The following C2orf69 variants were observed in gnomAD, a reference collection of about 807,000 sequenced individuals.
The protein encoded by C2orf69 is mitochondrial protein C2orf69.
C2orf69 carries 19 observed loss-of-function variants against 29.5 expected under a neutral mutation model. The ratio of observed to expected loss-of-function variants is 0.65; its 90% CI spans 0.45 to 0.95. The LOEUF is 0.95. Among genes scored for constraint, C2orf69 ranks in the 40% least tolerant of loss-of-function variants. The probability of loss-of-function intolerance (pLI) is 0.00; values close to 1 mark genes in which losing one functional copy is unlikely to be tolerated. For missense variants in C2orf69, 416 were observed against 482.1 expected (o/e 0.86, Z 1.28); for synonymous variants, 194 against 180.0 (o/e 1.08, Z -0.62).
Position 199,925,330 on chromosome 2 carries a change from G to C in C2orf69, c.602G>C (p.Ser201Thr). 1 of 1,613,140 alleles carries C rather than the reference G, an allele frequency of 6.2e-7. No individual in the cohort carries two copies. The highest frequency in any genetic ancestry group is 8.5e-7 in the Non-Finnish European group (1 of 1,179,542). The change falls in exon 2 of 2, where the codon AGT (serine) becomes ACT (threonine). Residue 201 changes from serine (S) to threonine (T), a missense_variant. Around this residue, in one of 4 missense-constraint regions of C2orf69, gnomAD observed 225 missense variants for 307.3 expected, o/e 0.73. Coordinates refer to ENST00000319974, the MANE Select transcript of C2orf69 (RefSeq NM_153689.6). The surrounding 1 kb of genome is among the most constrained non-coding windows in gnomAD (Gnocchi z 4.9). ...AATGCTTTTAATTTAAGTCAGAATA[G>C]TTTATCAAAGAAAAGTTTGAATGTT... ...LVNAFNLSQN[S>T]LSKKSLNVWN...
chr2:199,918,359 T>G (rs1471750521), intron 1 of C2orf69, among the ~76,000 whole-genome samples: 1 of 152,154 alleles, frequency 6.6e-6, no homozygotes, highest in Non-Finnish European at 1.5e-5. Flanking sequence ...TATTTTAATT[T>G]ATTTATTATC....
At chr2:199,921,131 T>C (rs13016447) in intron 1 of C2orf69, among the ~76,000 whole-genome samples, 122,866 of 148,150 alleles carry the variant, frequency 0.83, 51,006 homozygotes, top group South Asian at 0.91. Context: ...CTCAGCCTCC[T>C]GAGTAGCTGT....
At position 199,911,326 on chromosome 2, in the gene C2orf69, C is replaced by A; in HGVS notation, c.-113C>A. On this transcript the variant is annotated 5_prime_UTR_variant, in exon 1 of 2. Coordinates refer to ENST00000319974, the MANE Select transcript of C2orf69 (RefSeq NM_153689.6). Reference sequence around the variant, plus strand: ...TCGTCGCCTCAGCGCCGGCTCCCGGCCGGGCCGCGGCCGCCGACCGTTGAG... The same window carrying A: ...TCGTCGCCTCAGCGCCGGCTCCCGGACGGGCCGCGGCCGCCGACCGTTGAG... The A allele has an allele frequency of 7.8e-7, 1 of 1,281,684 alleles. No individual in the cohort carries two copies. The allele number at this position is 1,281,684 out of a possible 1,614,324, so 79.4% of individuals were successfully genotyped here. A position where few individuals can be genotyped will look rare whatever the true frequency, so the allele number is the denominator to read the frequency against.
intron 1 of C2orf69, among the ~76,000 whole-genome samples, chr2:199,920,780 C>A (rs971797600): frequency 6.6e-6 from 1 of 151,160 alleles, no homozygotes; most frequent in Non-Finnish European, 1.5e-5. Flanking sequence ...CATGGTGAAA[C>A]CCCATCTCTA....
At position 199,927,193 on chromosome 2, in the gene C2orf69, C is replaced by T. The variant is rs2077338558; in HGVS notation, c.*1307C>T. The T allele has an allele frequency of 6.6e-6, 1 of 151,182 alleles. No homozygotes were observed. 9.4% of individuals were successfully genotyped at this position (151,182 alleles called of 1,614,324 possible). A position where few individuals can be genotyped will look rare whatever the true frequency, so the allele number is the denominator to read the frequency against. ...AAATCCAGATCTAATAAATGTCAAC[C>T]AACATTGACATTGTAATTGGGTGAT... On this transcript the variant is annotated 3_prime_UTR_variant, in exon 2 of 2. Coordinates refer to ENST00000319974, the MANE Select transcript of C2orf69 (RefSeq NM_153689.6).
Position 199,925,473 on chromosome 2 carries a change from T to TA in C2orf69, c.746dup (p.Tyr249Ter). ...EKSDESAMSF[Y>*]PPSLNDASFT... ...ATCTGATGAGTCTGCCATGAGTTTT[T>TA]ATCCACCATCACTAAATGACGCATC... Residue 249 changes from tyrosine to a stop codon, truncating the protein, a stop_gained and frameshift_variant, in exon 2 of 2, where the codon TAT (tyrosine) becomes TAAT (stop). Coordinates refer to ENST00000319974, the MANE Select transcript of C2orf69 (RefSeq NM_153689.6). LOFTEE classifies it high-confidence loss of function. This position sits in a 1 kb window ranked among gnomAD's most constrained non-coding sequence, Gnocchi z 4.9. 2.5e-6 allele frequency: 4 copies of TA among 1,613,874 alleles called. No homozygotes were observed. Among genetic ancestry groups the TA allele is most frequent in the Non-Finnish European group, 3.4e-6 (4 of 1,179,868 alleles).
At chr2:199,922,763 C>T (rs2077321922) in intron 1 of C2orf69, among the ~76,000 whole-genome samples, 1 of 152,184 alleles carries the variant, frequency 6.6e-6, no homozygotes, top group Admixed American at 6.5e-5. Context: ...ATTCAACCCA[C>T]CTTCTCTTAT....
intron 1 of C2orf69, among the ~76,000 whole-genome samples, chr2:199,923,460 C>A (rs758049417): frequency 2.6e-5 from 4 of 152,064 alleles, no homozygotes; most frequent in African/African-American, 7.2e-5. Context: ...AACGGATACC[C>A]AGTTCAGTTA....
At chr2:199,921,525 G>C (rs1026411406) in intron 1 of C2orf69, among the ~76,000 whole-genome samples, 1 of 152,064 alleles carries the variant, frequency 6.6e-6, no homozygotes, top group Non-Finnish European at 1.5e-5. Context: ...ATAGTAGCGA[G>C]GATTTTAAAA....
chr2:199,920,654 T>G lies in C2orf69; in HGVS notation c.334-4408T>G, dbSNP rs533850725. ...AATTGTGCAGAAAGCAATAGCAGAA[T>G]CCATAAAAAGTCAAATGATGGGCCA... On this transcript the variant is annotated intron_variant, in intron 1 of 1. Transcript: ENST00000319974. 1.8e-4 allele frequency among the ~76,000 whole-genome samples: 28 copies of G among 152,026 alleles called. No individual in the cohort carries two copies. In the South Asian group the frequency reaches 5.8e-3, roughly 32 times the overall value.
At chr2:199,913,660 A>G (rs1157909443) in intron 1 of C2orf69, among the ~76,000 whole-genome samples, 1 of 149,848 alleles carries the variant, frequency 6.7e-6, no homozygotes, top group East Asian at 1.9e-4. Context: ...TAAAGAAAAA[A>G]ACAACTACTA....
chr2:199,917,673 A>G (rs1311730966), intron 1 of C2orf69, among the ~76,000 whole-genome samples: 1 of 152,150 alleles, frequency 6.6e-6, no homozygotes, highest in Non-Finnish European at 1.5e-5. Context: ...GCCATTCAAC[A>G]AGTCTCTAGG....
At chr2:199,918,975 A>G (rs2077303722) in intron 1 of C2orf69, among the ~76,000 whole-genome samples, 1 of 152,030 alleles carries the variant, frequency 6.6e-6, no homozygotes, top group African/African-American at 2.4e-5. Flanking sequence ...TTGTTGAGAC[A>G]GGGTCTAGCT....
Position 199,925,865 on chromosome 2 carries a change from C to G in C2orf69, c.1137C>G (p.Phe379Leu), listed in dbSNP as rs2077333448. 5 of 1,611,618 alleles carry G rather than the reference C, an allele frequency of 3.1e-6. No individual in the cohort carries two copies. Among genetic ancestry groups the G allele is most frequent in the Non-Finnish European group, 3.4e-6 (4 of 1,178,318 alleles). Residue 379 changes from phenylalanine to leucine, a missense_variant, in exon 2 of 2, where the codon TTC becomes TTG. Physicochemically the swap from Phe to Leu is conservative, Grantham distance 22. Coordinates refer to ENST00000319974, the MANE Select transcript of C2orf69 (RefSeq NM_153689.6). This position sits in a 1 kb window ranked among gnomAD's most constrained non-coding sequence, Gnocchi z 4.9. ...TKEAPSIENH[F>L]RVHEVF ...AAGCTCCTTCCATAGAGAATCACTT[C>G]AGGGTTCATGAAGTATTTTGAGATT...
At chr2:199,913,670 A>G (rs1200739481) in intron 1 of C2orf69, among the ~76,000 whole-genome samples, 1 of 150,204 alleles carries the variant, frequency 6.7e-6, no homozygotes, top group South Asian at 2.1e-4. Context: ...AACAACTACT[A>G]CTTAGATTTA....
At chr2:199,916,955 CT>C (rs2077294860) in intron 1 of C2orf69, among the ~76,000 whole-genome samples, 2 of 152,288 alleles carry the variant, frequency 1.3e-5, no homozygotes, top group South Asian at 4.1e-4. Context: ...CCCCACATTT[CT>C]TTTCCATACT....
intron 1 of C2orf69, among the ~76,000 whole-genome samples, chr2:199,920,953 C>CAAAAAAAAA (rs1284333280): frequency 2.2e-5 from 1 of 45,902 alleles, no homozygotes; most frequent in Non-Finnish European, 3.6e-5. Context: ...CTGAGACTCT[C>CAAAAAAAAA]AAAAAAAAAA....
At chr2:199,921,043 G>A (rs1231491199) in intron 1 of C2orf69, among the ~76,000 whole-genome samples, 2 of 89,684 alleles carry the variant, frequency 2.2e-5, no homozygotes, top group African/African-American at 8.9e-5. Flanking sequence ...GTCTTGCTCT[G>A]TTACCCAGGA....
Position 199,928,162 on chromosome 2 carries a change from T to G in C2orf69, c.*2276T>G, listed in dbSNP as rs186416611. The G allele has an allele frequency of 2.0e-5, 3 of 152,700 alleles. No individual in the cohort carries two copies. Among genetic ancestry groups the G allele is most frequent in the Admixed American group, 1.3e-4 (2 of 15,296 alleles). The allele number at this position is 152,700 out of a possible 1,614,324, so 9.5% of individuals were successfully genotyped here. ...ACTTATTGTAATGTTAATTTACACT[T>G]TTGGATTGTGCCTTTGTCATGAGTT... is the stretch of plus-strand genomic sequence containing the variant. On this transcript the variant is annotated 3_prime_UTR_variant, in exon 2 of 2. Transcript: ENST00000319974.
Sources: gnomAD v4.1 joint callset for allele counts (sites outside exome capture counted in the v4.1 genomes callset) on GRCh38, gnomAD v4.1.1 for gene constraint, gnomAD v4.1.1 regional missense constraint, Gnocchi (gnomAD v3.1) non-coding constraint, MANE v1.5 for transcripts, NCBI Gene and HGNC (gene_info 2026-07-23, HGNC 2026-07-21) for gene names.